METTL25: variants seen among roughly 807,000 people sequenced by gnomAD.
METTL25 encodes probable methyltransferase-like protein 25.
Under a neutral mutation model 71.6 loss-of-function variants are expected in METTL25, and 64 were observed. That is an observed-to-expected ratio of 0.89 (90% CI 0.73 to 1.10). METTL25 has a LOEUF of 1.10. Ranked by LOEUF, METTL25 falls within the 50% of genes least tolerant of loss-of-function variation. METTL25 has a pLI of 0.00. For synonymous variants in METTL25, 287 were observed against 250.3 expected, an observed-to-expected ratio of 1.15 and a Z score of -1.38; for missense variants, 807 against 707.0, an observed-to-expected ratio of 1.14 and a Z score of -1.60.
At position 82,358,760 on chromosome 12, in the gene METTL25, A is replaced by G. The variant is rs201368766; in HGVS notation, c.195A>G (p.Ser65=). 766 of 1,613,846 alleles carry G rather than the reference A, an allele frequency of 4.7e-4. 10 individuals are homozygous for G. The highest frequency in any genetic ancestry group is 1.5e-3 in the Middle Eastern group (9 of 6,084). ...PETVLAALRK[S]ASETEALPSE... Reference sequence around the variant, plus strand: ...CAGTGCTGGCTGCGCTGAGGAAGTCAGCGTCGGAGACGGAGGCCCTGCCCT... The same window carrying G: ...CAGTGCTGGCTGCGCTGAGGAAGTCGGCGTCGGAGACGGAGGCCCTGCCCT... Residue 65 remains serine, a synonymous_variant, in exon 1 of 12, where the codon TCA becomes TCG. Transcript: ENST00000248306.
chr12:82,384,111 G>A (rs1035226840), intron 1 of METTL25, among the ~76,000 whole-genome samples: 22 of 152,188 alleles, frequency 1.4e-4, no homozygotes, highest in African/African-American at 5.1e-4. Context: ...GGAGATGTAG[G>A]CCAAACAATC....
intron 8 of METTL25, among the ~76,000 whole-genome samples, chr12:82,451,116 A>G (rs894767127): frequency 6.6e-6 from 1 of 152,202 alleles, no homozygotes. Flanking sequence ...TTGAAAGAGG[A>G]TAAATCAGAC....
chr12:82,477,965 A>G (rs571646032), intron 11 of METTL25, among the ~76,000 whole-genome samples: 101 of 151,964 alleles, frequency 6.6e-4, no homozygotes, highest in African/African-American at 2.4e-3. Context: ...AAACTCTTTA[A>G]CAGTTTTATT....
intron 1 of METTL25, among the ~76,000 whole-genome samples, chr12:82,376,321 C>T (rs1398980926): frequency 2.0e-5 from 3 of 152,204 alleles, no homozygotes; most frequent in Non-Finnish European, 4.4e-5. Context: ...GTACATCTCT[C>T]AATCATTGTA....
At chr12:82,464,751 A>G (rs886805492) in intron 9 of METTL25, among the ~76,000 whole-genome samples, 1 of 151,654 alleles carries the variant, frequency 6.6e-6, no homozygotes, top group Admixed American at 6.6e-5. Context: ...TGAGCATGGG[A>G]TGTTTCTCCA....
At chr12:82,444,986 T>C (rs1324072018) in intron 8 of METTL25, among the ~76,000 whole-genome samples, 2 of 152,088 alleles carry the variant, frequency 1.3e-5, no homozygotes, top group Non-Finnish European at 2.9e-5. Context: ...AAAAGAAATA[T>C]TAACAGCAAA....
chr12:82,361,127 C>G (rs891020836), intron 1 of METTL25, among the ~76,000 whole-genome samples: 6 of 152,134 alleles, frequency 3.9e-5, no homozygotes, highest in Non-Finnish European at 7.4e-5. Flanking sequence ...TTACAGAGAG[C>G]TGATTGGTCC....
intron 3 of METTL25, among the ~76,000 whole-genome samples, chr12:82,391,743 A>G (rs1304473086): frequency 7.5e-6 from 1 of 133,812 alleles, no homozygotes; most frequent in Admixed American, 8.0e-5. Context: ...TTTTTTTTGG[A>G]TATATACCCA....
chr12:82,426,868 T>G (rs1889069544), intron 5 of METTL25, among the ~76,000 whole-genome samples: 1 of 151,600 alleles, frequency 6.6e-6, no homozygotes, highest in Non-Finnish European at 1.5e-5. Flanking sequence ...ATGGAAAAAT[T>G]TTCACCCCAT....
At chr12:82,416,639 T>A (rs926724655) in intron 5 of METTL25, among the ~76,000 whole-genome samples, 3 of 151,842 alleles carry the variant, frequency 2.0e-5, no homozygotes, top group Non-Finnish European at 2.9e-5. Flanking sequence ...TTGTTTTGTT[T>A]TGTTTTTGTC....
chr12:82,466,369 A>G (rs143928502), intron 9 of METTL25, among the ~76,000 whole-genome samples: 1 of 150,230 alleles, frequency 6.7e-6, no homozygotes, highest in African/African-American at 2.4e-5. Flanking sequence ...TTGGTCATTC[A>G]GGAGCATGTT....
chr12:82,417,751 C>T (rs897620738), intron 5 of METTL25, among the ~76,000 whole-genome samples: 3 of 152,078 alleles, frequency 2.0e-5, no homozygotes, highest in Admixed American at 6.6e-5. Context: ...TCTAGTACAT[C>T]AGATGGTGAT....
At chr12:82,392,086 T>G (rs867548592) in intron 3 of METTL25, among the ~76,000 whole-genome samples, 10 of 150,450 alleles carry the variant, frequency 6.6e-5, no homozygotes, top group African/African-American at 2.4e-4. Flanking sequence ...TATTTTTTAT[T>G]TATTTATTTT....
At chr12:82,399,964 G>A (rs1431724422) in intron 4 of METTL25, among the ~76,000 whole-genome samples, 1 of 149,920 alleles carries the variant, frequency 6.7e-6, no homozygotes, top group Non-Finnish European at 1.5e-5. Flanking sequence ...AAAAAAAAAG[G>A]TAGCTTTTGG....
chr12:82,440,911 C>T (rs1337075769), intron 8 of METTL25, among the ~76,000 whole-genome samples: 1 of 151,918 alleles, frequency 6.6e-6, no homozygotes, highest in Non-Finnish European at 1.5e-5. Context: ...AGAAGTAAAC[C>T]CAGCTTTTAT....
chr12:82,414,439 A>G (rs1192713186), intron 5 of METTL25, among the ~76,000 whole-genome samples: 7 of 152,150 alleles, frequency 4.6e-5, no homozygotes, highest in East Asian at 3.9e-4. Flanking sequence ...ACTTCAATAT[A>G]TTTTGCTTAT....
Position 82,358,785 on chromosome 12 carries a change from T to G in METTL25, c.220T>G (p.Ser74Ala). Residue 74 changes from serine (S) to alanine (A), a missense_variant, in exon 1 of 12, where the codon TCA becomes GCA. Coordinates refer to ENST00000248306, the MANE Select transcript of METTL25 (RefSeq NM_032230.3). ...KSASETEALP[S>A]ETRPLVEAEW... ...AGCGTCGGAGACGGAGGCCCTGCCC[T>G]CAGAGACGCGCCCCCTAGTGGAAGC... 1 of 1,613,342 alleles carries G rather than the reference T, an allele frequency of 6.2e-7. No homozygotes were observed. Among genetic ancestry groups the G allele is most frequent in the South Asian group, 1.1e-5 (1 of 91,056 alleles).
Position 82,393,677 on chromosome 12 carries a change from TG to T in METTL25, c.531+3758del, listed in dbSNP as rs201505316. ...CTATGTTGAATAAAAATGGTGAAAG[TG>T]GGCATTCTTGTCCTGTTCCAGATCT... On this transcript the variant is annotated intron_variant, in intron 3 of 11. Coordinates refer to ENST00000248306, the MANE Select transcript of METTL25 (RefSeq NM_032230.3). Among the ~76,000 whole-genome samples, 1,506 of 152,160 alleles carry T rather than the reference TG, an allele frequency of 9.9e-3. 24 individuals carry two copies. Among genetic ancestry groups the T allele is most frequent in the African/African-American group, 0.034 (1,420 of 41,534 alleles).
chr12:82,396,090 G>T (rs1195550285), intron 3 of METTL25, among the ~76,000 whole-genome samples: 2 of 151,924 alleles, frequency 1.3e-5, no homozygotes, highest in African/African-American at 2.4e-5. Context: ...TGCTTATTTT[G>T]TTATGTATTC....
Sources: gnomAD v4.1 joint callset for allele counts (sites outside exome capture counted in the v4.1 genomes callset) on GRCh38, gnomAD v4.1.1 for gene constraint, MANE v1.5 for transcripts, NCBI Gene and HGNC (gene_info 2026-07-23, HGNC 2026-07-21) for gene names.